TXNRD3: variants seen among roughly 807,000 people sequenced by gnomAD.
TXNRD3 encodes thioredoxin reductase 3, also known as TXNRD3 neighbor gene protein.
Under a neutral mutation model 78.2 loss-of-function variants are expected in TXNRD3, and 68 were observed. The ratio of observed to expected loss-of-function variants is 0.87; its 90% confidence interval spans 0.72 to 1.06. The LOEUF (loss-of-function observed/expected upper bound fraction) is 1.06, where lower values mean the gene tolerates loss of function less well. Among genes scored for constraint, TXNRD3 ranks in the 50% least tolerant of loss-of-function variants. The pLI is 0.00. For synonymous variants in TXNRD3, 296 were observed against 300.1 expected, an observed-to-expected ratio of 0.99 and a Z score of 0.14; for missense variants, 751 against 809.5, an observed-to-expected ratio of 0.93 and a Z score of 0.88.
chr3:126,647,986 C>G (rs1933280573), intron 1 of TXNRD3, among the ~76,000 whole-genome samples: 1 of 152,208 alleles, frequency 6.6e-6, no homozygotes, highest in Non-Finnish European at 1.5e-5. Context: ...CACAGACACA[C>G]ACATACCAAA....
intron 8 of TXNRD3, among the ~76,000 whole-genome samples, chr3:126,631,354 T>C (rs1288586873): frequency 4.6e-5 from 7 of 152,262 alleles, no homozygotes; most frequent in South Asian, 2.1e-4. Context: ...TACACACATG[T>C]CCTGTTTGAC....
At chr3:126,637,325 C>T (rs1932932592) in intron 6 of TXNRD3, among the ~76,000 whole-genome samples, 2 of 152,164 alleles carry the variant, frequency 1.3e-5, no homozygotes, top group Non-Finnish European at 1.5e-5. Flanking sequence ...CCCCTTATTT[C>T]CTTAATTGGA....
intron 13 of TXNRD3, among the ~76,000 whole-genome samples, 177 bp downstream of exon 13, chr3:126,615,175 CTCT>C (rs1462328890): frequency 2.0e-5 from 3 of 152,160 alleles, no homozygotes; most frequent in African/African-American, 7.2e-5. Flanking sequence ...AACCATATTC[CTCT>C]TCTTTGCTAG....
chr3:126,631,706 C>A, intron 8 of TXNRD3, 58 bp downstream of exon 8: 1 of 1,070,534 alleles, frequency 9.3e-7, no homozygotes, highest in Non-Finnish European at 1.4e-6. Context: ...AAACTGGAAA[C>A]ATGTCAATAT....
chr3:126,609,189 T>G (rs895191884), intron 14 of TXNRD3: 26 of 434,598 alleles, frequency 6.0e-5, no homozygotes, highest in African/African-American at 4.2e-4. Flanking sequence ...AACGGTGCAT[T>G]CTAGGCTGTC....
intron 10 of TXNRD3, among the ~76,000 whole-genome samples, chr3:126,626,627 C>T (rs1353248122): frequency 1.3e-5 from 2 of 152,148 alleles, no homozygotes; most frequent in African/African-American, 4.8e-5. Context: ...AATGAGAAAG[C>T]CAGATGCCCC....
intron 6 of TXNRD3, among the ~76,000 whole-genome samples, chr3:126,638,107 C>T (rs1240857422): frequency 1.3e-5 from 2 of 151,768 alleles, no homozygotes; most frequent in Non-Finnish European, 2.9e-5. Context: ...CCATGCCTGG[C>T]TAATTTTTTG....
chr3:126,620,516 CA>C (rs977974731), intron 12 of TXNRD3, among the ~76,000 whole-genome samples: 1 of 151,760 alleles, frequency 6.6e-6, no homozygotes, highest in African/African-American at 2.4e-5. Context: ...CTCAGCAAAA[CA>C]AAAAAGGAAT....
At chr3:126,630,658 T>A in intron 9 of TXNRD3, 54 bp downstream of exon 9, 1 of 1,433,154 alleles carries the variant, frequency 7.0e-7, no homozygotes, top group Non-Finnish European at 9.5e-7. Context: ...TGAAGTAAGG[T>A]GAGATAAAGT....
At chr3:126,649,532 T>C (rs574266376) in intron 1 of TXNRD3, among the ~76,000 whole-genome samples, 3 of 152,316 alleles carry the variant, frequency 2.0e-5, no homozygotes, top group African/African-American at 7.2e-5. Flanking sequence ...CTCAAATAAA[T>C]ATTTGTACAC....
At chr3:126,617,067 TA>T (rs1356838706) in intron 12 of TXNRD3, among the ~76,000 whole-genome samples, 1 of 152,214 alleles carries the variant, frequency 6.6e-6, no homozygotes, top group African/African-American at 2.4e-5. Context: ...TCATTCTTAA[TA>T]GATGCCTTTG....
Position 126,629,490 on chromosome 3 carries a change from G to T in TXNRD3, c.1198-19C>A. The stretch of plus-strand genomic sequence containing the variant: ...GTTGAACCTAGTAAGAATGAAGAGT[G>T]TAATGATGTTATCTAAATATGATAA... On this transcript the variant is annotated intron_variant, in intron 9 of 15. Coordinates refer to ENST00000524230, the MANE Select transcript of TXNRD3 (RefSeq NM_052883.3). 6.6e-7 allele frequency: 1 copy of T among 1,504,588 alleles called. No individual in the cohort carries two copies. The highest frequency in any genetic ancestry group is 8.9e-7 in the Non-Finnish European group (1 of 1,119,806). 93.2% of individuals were successfully genotyped at this position (1,504,588 alleles called of 1,614,324 possible).
Position 126,630,747 on chromosome 3 carries a change from C to G in TXNRD3, c.1162G>C (p.Gly388Arg). Residue 388 changes from glycine to arginine, a missense_variant, in exon 9 of 16, where the codon GGT becomes CGT. Transcript: ENST00000524230. Reference sequence around the variant, plus strand: ...ATGAATTTCCGTAGGAACTTCACACCATGCTGCTCCATGTAGGAACCCACT... The same window carrying G: ...ATGAATTTCCGTAGGAACTTCACACGATGCTGCTCCATGTAGGAACCCACT... The G allele has an allele frequency of 1.3e-6, 2 of 1,534,268 alleles. No individual in the cohort carries two copies. The highest frequency in any genetic ancestry group is 1.7e-6 in the Non-Finnish European group (2 of 1,146,854).
At chr3:126,649,572 GC>G (rs1358897471) in intron 1 of TXNRD3, among the ~76,000 whole-genome samples, 1 of 152,190 alleles carries the variant, frequency 6.6e-6, no homozygotes, top group Non-Finnish European at 1.5e-5. Flanking sequence ...ATTCATAATA[GC>G]CAAAAGGTGG....
intron 11 of TXNRD3, 47 bp downstream of exon 11, chr3:126,622,417 A>G (rs1259310107): frequency 6.7e-6 from 9 of 1,337,136 alleles, no homozygotes; most frequent in Admixed American, 2.5e-5. Flanking sequence ...ATCTGCAGAA[A>G]CCTGTTGCTT....
In TXNRD3 at chr3:126,637,045, T is replaced by C. The variant is rs1932922784; in HGVS notation, c.713-2994A>G. ...GATTGGACACCCCTGGTTTAAATTA[T>C]ACAGGAAGTGCCTGTTACTTGTAGA... On this transcript the variant is annotated intron_variant, in intron 6 of 15. Coordinates refer to ENST00000524230, the MANE Select transcript of TXNRD3 (RefSeq NM_052883.3). Among the ~76,000 whole-genome samples the C allele has an allele frequency of 2.0e-5, 3 of 152,208 alleles. No individual in the cohort carries two copies. The South Asian group carries it at 6.2e-4, about 31-fold the overall frequency.
intron 12 of TXNRD3, among the ~76,000 whole-genome samples, chr3:126,617,211 C>T (rs183356248): frequency 2.6e-5 from 4 of 152,150 alleles, no homozygotes; most frequent in African/African-American, 7.2e-5. Context: ...TTCTTATAGG[C>T]TTCTTTCCGT....
At position 126,633,663 on chromosome 3, in the gene TXNRD3, G is replaced by A. The variant is rs890189032; in HGVS notation, c.855+246C>T. On this transcript the variant is annotated intron_variant, in intron 7 of 15. Coordinates refer to ENST00000524230, the MANE Select transcript of TXNRD3 (RefSeq NM_052883.3). Reference sequence around the variant, plus strand: ...GTTTAAACATGTTCTCTTTTAAGACGGCAATAAAATCAAAGACAAATAATT... The same window carrying A: ...GTTTAAACATGTTCTCTTTTAAGACAGCAATAAAATCAAAGACAAATAATT... 3.9e-5 allele frequency among the ~76,000 whole-genome samples: 6 copies of A among 151,960 alleles called. No individual in the cohort carries two copies. The East Asian group carries it at 5.8e-4, about 15-fold the overall frequency.
intron 12 of TXNRD3, among the ~76,000 whole-genome samples, chr3:126,618,315 C>A (rs1242866576): frequency 6.6e-6 from 1 of 152,106 alleles, no homozygotes; most frequent in Non-Finnish European, 1.5e-5. Context: ...TACCTGATTT[C>A]AAAATATACT....
Sources: gnomAD v4.1 joint callset for allele counts (sites outside exome capture counted in the v4.1 genomes callset) on GRCh38, gnomAD v4.1.1 for gene constraint, MANE v1.5 for transcripts, NCBI Gene and HGNC (gene_info 2026-07-23, HGNC 2026-07-21) for gene names.